UBE3B: variants seen among roughly 807,000 people sequenced by gnomAD.
The protein encoded by UBE3B is ubiquitin protein ligase E3B, also known as ubiquitin-protein ligase E3B.
In UBE3B, 80 loss-of-function variants were observed where a neutral mutation model predicts 132.3. That is an observed-to-expected ratio of 0.60 (90% CI 0.50 to 0.73). The LOEUF is 0.73. Among genes scored for constraint, UBE3B ranks in the 30% least tolerant of loss-of-function variants. The pLI is 0.00. For synonymous variants in UBE3B, 487 were observed against 520.4 expected, an observed-to-expected ratio of 0.94 and a Z score of 0.87; for missense variants, 1,196 against 1,362.5, an observed-to-expected ratio of 0.88 and a Z score of 1.92.
chr12:109,497,479 A>T (rs966862753), intron 9 of UBE3B, among the ~76,000 whole-genome samples: 2 of 151,016 alleles, frequency 1.3e-5, no homozygotes, highest in Admixed American at 1.3e-4. Flanking sequence ...GCACTCCAAA[A>T]CCCCCTTTTT....
At chr12:109,494,242 G>C (rs151321825) in intron 9 of UBE3B, among the ~76,000 whole-genome samples, 1 of 152,174 alleles carries the variant, frequency 6.6e-6, no homozygotes, top group Non-Finnish European at 1.5e-5. Context: ...TTTAACTCCA[G>C]AACTCATACT....
At position 109,498,368 on chromosome 12, in the gene UBE3B, C is replaced by T; in HGVS notation, c.940+15C>T. ...TTGTCTAATGGGTAAGTATCCGTGG[C>T]TGGAACTTGATTGTGTCCTGGCCAT... On this transcript the variant is annotated intron_variant, in intron 11 of 27. Transcript: ENST00000342494. 6.2e-7 allele frequency: 1 copy of T among 1,611,472 alleles called. No individual in the cohort carries two copies. Among genetic ancestry groups the T allele is most frequent in the Non-Finnish European group, 8.5e-7 (1 of 1,178,106 alleles).
chr12:109,498,575 A>G (rs921437296), intron 11 of UBE3B, among the ~76,000 whole-genome samples: 1 of 152,240 alleles, frequency 6.6e-6, no homozygotes, highest in Non-Finnish European at 1.5e-5. Flanking sequence ...GTTAATGAAC[A>G]TTAGATGTCA....
intron 8 of UBE3B, 36 bp downstream of exon 8, chr12:109,490,040 C>T: frequency 6.3e-7 from 1 of 1,579,460 alleles, no homozygotes; most frequent in Non-Finnish European, 8.7e-7. Context: ...GCAACTTCTC[C>T]ACTCTCCAAC....
the UBE3B span, among the ~76,000 whole-genome samples, chr12:109,544,641 G>A: frequency 6.6e-6 from 1 of 152,144 alleles, no homozygotes; most frequent in African/African-American, 2.4e-5. Flanking sequence ...GGTCCCCTCT[G>A]TGTGCCTGGA....
Position 109,535,122 on chromosome 12 carries a change from A to G in UBE3B, c.*340A>G. Reference sequence around the variant, plus strand: ...CCTTAGCCGTCTGAGTGAGCTGTGTATGAACAAGTCCCAGGAGTTCCAAGA... The same window carrying G: ...CCTTAGCCGTCTGAGTGAGCTGTGTGTGAACAAGTCCCAGGAGTTCCAAGA... On this transcript the variant is annotated 3_prime_UTR_variant, in exon 28 of 28. Transcript: ENST00000342494. The G allele has an allele frequency of 4.8e-6, 1 of 208,420 alleles. No individual in the cohort carries two copies. The highest frequency in any genetic ancestry group is 1.1e-4 in the East Asian group (1 of 9,276). The allele number at this position is 208,420 out of a possible 1,614,324, so 12.9% of individuals were successfully genotyped here. A position where few individuals can be genotyped will look rare whatever the true frequency, so the allele number is the denominator to read the frequency against.
intron 19 of UBE3B, among the ~76,000 whole-genome samples, chr12:109,518,342 C>T (rs1036570801): frequency 2.0e-5 from 3 of 152,168 alleles, no homozygotes; most frequent in Admixed American, 6.5e-5. Flanking sequence ...GGCTCCATAA[C>T]GCTCTTGAGT....
At chr12:109,504,974 T>C (rs1039786045) in intron 14 of UBE3B, among the ~76,000 whole-genome samples, 4 of 150,550 alleles carry the variant, frequency 2.7e-5, no homozygotes, top group Non-Finnish European at 5.9e-5. Context: ...CCCGGCTAAT[T>C]TTTTTTTTGT....
At chr12:109,503,554 G>A (rs1291961482) in intron 14 of UBE3B, among the ~76,000 whole-genome samples, 1 of 151,920 alleles carries the variant, frequency 6.6e-6, no homozygotes, top group African/African-American at 2.4e-5. Flanking sequence ...GTGCCTGAGT[G>A]TACTGCACAT....
At chr12:109,507,526 C>G in intron 14 of UBE3B, 38 bp from the exon 15 acceptor site, 3 of 1,594,030 alleles carry the variant, frequency 1.9e-6, no homozygotes, top group Non-Finnish European at 2.6e-6. Flanking sequence ...CAGGTGGAGT[C>G]TCCACCTGAA....
chr12:109,506,345 T>C (rs2135959892), intron 14 of UBE3B, among the ~76,000 whole-genome samples: 1 of 152,248 alleles, frequency 6.6e-6, no homozygotes, highest in Admixed American at 6.5e-5. Flanking sequence ...TGTTTTGTTT[T>C]TGTTTTTGTT....
chr12:109,522,416 G>A lies in UBE3B; in HGVS notation c.2364+865G>A, dbSNP rs995273148. Among the ~76,000 whole-genome samples, 4 of 152,186 alleles carry A rather than the reference G, an allele frequency of 2.6e-5. No homozygotes were observed. The highest frequency in any genetic ancestry group is 9.6e-5 in the African/African-American group (4 of 41,454). ...TTGGGAGAGTCCTGTTTCCCAGGAGGAAGGAAAGCTGCAGCACAAGCCCAG... is the reference window on the plus strand; with the variant it reads ...TTGGGAGAGTCCTGTTTCCCAGGAGAAAGGAAAGCTGCAGCACAAGCCCAG... On this transcript the variant is annotated intron_variant, in intron 21 of 27. Coordinates refer to ENST00000342494, the MANE Select transcript of UBE3B (RefSeq NM_130466.4). The surrounding 1 kb of genome is among the most constrained non-coding windows in gnomAD (Gnocchi z 4.2).
chr12:109,511,343 A>G lies in UBE3B; in HGVS notation c.1956+40A>G, dbSNP rs115057494. On this transcript the variant is annotated intron_variant, in intron 18 of 27. Coordinates refer to ENST00000342494, the MANE Select transcript of UBE3B (RefSeq NM_130466.4). ...GAGCTGGGCCCCGATGTGTCTTTCT[A>G]TTCCCCCACGTGGTTCCTGCCTTTC... 1,623 of 1,587,740 alleles carry G rather than the reference A, an allele frequency of 1.0e-3. 11 individuals are homozygous for G. In the African/African-American group the frequency reaches 0.019, roughly 18 times the overall value.
intron 6 of UBE3B, 23 bp downstream of exon 6, chr12:109,486,598 A>AAAAG: frequency 6.6e-7 from 1 of 1,509,276 alleles, no homozygotes; most frequent in Non-Finnish European, 9.0e-7. Context: ...AAAAAAAAAA[A>AAAAG]AAAAAGCAAA....
rs191523717 is a variant in UBE3B, at chr12:109,485,998, G to A, written c.283-14G>A. On this transcript the variant is annotated splice_polypyrimidine_tract_variant and intron_variant, in intron 4 of 27. Transcript: ENST00000342494. ...ATTGTGGGAATGTATAACCCCCAGT[G>A]TGTCTCTTTGCAGAGATTTGAGAAG... The A allele has an allele frequency of 2.9e-4, 450 of 1,552,772 alleles. No individual in the cohort carries two copies. Among genetic ancestry groups the A allele is most frequent in the Non-Finnish European group, 3.8e-4 (437 of 1,147,482 alleles).
intron 4 of UBE3B, among the ~76,000 whole-genome samples, chr12:109,485,504 AG>A (rs1876283949): frequency 6.6e-6 from 1 of 152,216 alleles, no homozygotes; most frequent in Non-Finnish European, 1.5e-5. Context: ...ACATGGTTTA[AG>A]GGCGGATCCA....
Position 109,501,513 on chromosome 12 carries a change from C to G in UBE3B, c.1261C>G (p.Gln421Glu). ...EPAHAQPASP[Q>E]NVLPVKSLLK... ...AGCCCACGCACAGCCAGCATCCCCT[C>G]AGAATGTGCTCCCAGTGAAGAGTGA... The change falls in exon 13 of 28, where the codon CAG (glutamine) becomes GAG (glutamate). Residue 421 changes from glutamine (Q) to glutamate (E), a missense_variant. Physicochemically the swap from Gln to Glu is conservative, Grantham distance 29. Coordinates refer to ENST00000342494, the MANE Select transcript of UBE3B (RefSeq NM_130466.4). 2 of 1,613,968 alleles carry G rather than the reference C, an allele frequency of 1.2e-6. No homozygotes were observed. The highest frequency in any genetic ancestry group is 1.7e-6 in the Non-Finnish European group (2 of 1,179,946).
intron 2 of UBE3B, among the ~76,000 whole-genome samples, chr12:109,482,103 T>C (rs1357038003): frequency 4.6e-5 from 7 of 152,198 alleles, no homozygotes; most frequent in Non-Finnish European, 1.0e-4. Flanking sequence ...AGCACACTTA[T>C]TAAATGCCTT....
chr12:109,497,898 C>T lies in UBE3B; in HGVS notation c.794C>T (p.Thr265Ile), dbSNP rs758301802. Residue 265 changes from threonine to isoleucine, a missense_variant, in exon 10 of 28, where the codon ACT becomes ATT. Coordinates refer to ENST00000342494, the MANE Select transcript of UBE3B (RefSeq NM_130466.4). ...ATCATGTCTGTGCCTGCTCTGGTGA[C>T]TCATCTCAGCACAGTGACCCCTGAG... is the stretch of plus-strand genomic sequence containing the variant. ...IHIMSVPALV[T>I]HLSTVTPERL... 3 of 1,614,186 alleles carry T rather than the reference C, an allele frequency of 1.9e-6. No homozygotes were observed. The highest frequency in any genetic ancestry group is 1.1e-5 in the South Asian group (1 of 91,082).
Sources: allele counts gnomAD v4.1 joint callset (sites outside exome capture counted in the v4.1 genomes callset), GRCh38; gene constraint gnomAD v4.1.1; non-coding constraint Gnocchi (gnomAD v3.1); transcripts MANE v1.5; gene names NCBI Gene and HGNC (gene_info 2026-07-23, HGNC 2026-07-21).